The following R3HCC1L variants were observed in gnomAD, a reference collection of about 807,000 sequenced individuals.
R3HCC1L encodes coiled-coil domain-containing protein R3HCC1L.
In R3HCC1L, 51 loss-of-function variants were observed where a neutral mutation model predicts 59.9. The ratio of observed to expected loss-of-function variants is 0.85; its 90% CI spans 0.68 to 1.07. R3HCC1L has a LOEUF of 1.07. Among genes scored for constraint, R3HCC1L ranks in the 50% least tolerant of loss-of-function variants. The pLI is 0.00. For missense variants in R3HCC1L, 965 were observed against 933.0 expected, an observed-to-expected ratio of 1.03 and a Z score of -0.45; for synonymous variants, 322 against 315.2, an observed-to-expected ratio of 1.02 and a Z score of -0.23.
chr10:98,159,137 A>G (rs766476391), intron 2 of R3HCC1L, among the ~76,000 whole-genome samples: 4 of 152,200 alleles, frequency 2.6e-5, no homozygotes, highest in African/African-American at 4.8e-5. Flanking sequence ...ACTGCAAGAC[A>G]GTTATTTTGT....
At chr10:98,140,291 A>T (rs963374715) in intron 1 of R3HCC1L, among the ~76,000 whole-genome samples, 7 of 152,262 alleles carry the variant, frequency 4.6e-5, no homozygotes, top group African/African-American at 1.2e-4. Context: ...TAATAAAACC[A>T]ACTCTGCTTG....
chr10:98,236,064 A>G lies in R3HCC1L; in HGVS notation c.2169A>G (p.Ala723=), dbSNP rs776574616. The stretch of plus-strand genomic sequence containing the variant: ...CAAAGGAGCGTCCTGAGACTTCAGC[A>G]GCCCTAGCCAGAAGGTTAGTCATCA... The part of the protein sequence containing the change: ...QPAKERPETS[A]ALARRLVISA... The change falls in exon 9 of 10, where the codon GCA becomes GCG. Residue 723 remains alanine, a synonymous_variant. Coordinates refer to ENST00000298999, the MANE Select transcript of R3HCC1L (RefSeq NM_001351015.2). 3.1e-6 allele frequency: 5 copies of G among 1,613,934 alleles called. No individual in the cohort carries two copies. In the Admixed American group the frequency reaches 6.7e-5, roughly 22 times the overall value.
rs928126122 is a variant in R3HCC1L at position 98,150,724 on chromosome 10, G to T, written c.-267-5369G>T. On this transcript the variant is annotated intron_variant, in intron 1 of 9. Coordinates refer to ENST00000298999, the MANE Select transcript of R3HCC1L (RefSeq NM_001351015.2). The stretch of plus-strand genomic sequence containing the variant: ...TGTGGAATGAACCTCCTACAGCGTG[G>T]TGCTGCTGAACAGCTGTTTTGATTT... Among the ~76,000 whole-genome samples the T allele has an allele frequency of 2.0e-5, 3 of 152,260 alleles. No homozygotes were observed. The East Asian group carries it at 5.8e-4, about 29-fold the overall frequency.
At chr10:98,158,336 A>T (rs1304900473) in intron 2 of R3HCC1L, among the ~76,000 whole-genome samples, 1 of 152,202 alleles carries the variant, frequency 6.6e-6, no homozygotes, top group Admixed American at 6.5e-5. Flanking sequence ...CTCATTAATA[A>T]TATCTAACTC....
At chr10:98,170,882 A>T (rs1045722340) in intron 4 of R3HCC1L, among the ~76,000 whole-genome samples, 9 of 152,240 alleles carry the variant, frequency 5.9e-5, no homozygotes, top group African/African-American at 2.2e-4. Flanking sequence ...GCTGGGGCAG[A>T]TACTAAAGAA....
At position 98,208,612 on chromosome 10, in the gene R3HCC1L, C is replaced by T; in HGVS notation, c.498C>T (p.Ala166=). 6.2e-7 allele frequency: 1 copy of T among 1,614,092 alleles called. No individual in the cohort carries two copies. The highest frequency in any genetic ancestry group is 2.2e-5 in the East Asian group (1 of 44,868). ...ATGAGAGGATACTTCTTTCACAGGC[C>T]TGTTTAGAAATCAGCGAGGCTCAAG... The part of the protein sequence containing the change: ...TGHERILLSQ[A]CLEISEAQVP... The change falls in exon 5 of 10, where the codon GCC becomes GCT. Residue 166 remains alanine, a synonymous_variant. Coordinates refer to ENST00000298999, the MANE Select transcript of R3HCC1L (RefSeq NM_001351015.2).
chr10:98,209,813 A>G lies in R3HCC1L; in HGVS notation c.1699A>G (p.Thr567Ala), dbSNP rs754487235. ...ACCAAAAGCAACTGAAACTTCTCAC[A>G]CAGAGGGAATTACTGCCATTGAGGA... ...IEPKATETSH[T>A]EGITAIEESW... Residue 567 changes from threonine (T) to alanine (A), a missense_variant, in exon 5 of 10, where the codon ACA (threonine) becomes GCA (alanine). By Grantham distance (58) the Thr-to-Ala change is moderately conservative. Transcript: ENST00000298999. The G allele has an allele frequency of 6.2e-7, 1 of 1,613,920 alleles. No individual in the cohort carries two copies.
At chr10:98,189,309 G>T (rs1431660848) in intron 4 of R3HCC1L, among the ~76,000 whole-genome samples, 2 of 152,192 alleles carry the variant, frequency 1.3e-5, no homozygotes, top group African/African-American at 4.8e-5. Flanking sequence ...GGTGAGGACA[G>T]CATTTCACAA....
intron 2 of R3HCC1L, among the ~76,000 whole-genome samples, chr10:98,158,911 A>G (rs929850617): frequency 2.0e-5 from 3 of 151,830 alleles, no homozygotes; most frequent in African/African-American, 4.8e-5. Flanking sequence ...GGCTCAAGCA[A>G]TCCTCCTGCC....
chr10:98,170,514 CAG>C (rs1479384461), intron 4 of R3HCC1L, among the ~76,000 whole-genome samples: 1 of 152,166 alleles, frequency 6.6e-6, no homozygotes, highest in Non-Finnish European at 1.5e-5. Context: ...TTTTTAGAGA[CAG>C]AGTCTTGCTA....
intron 6 of R3HCC1L, among the ~76,000 whole-genome samples, chr10:98,231,965 T>C (rs566291819): frequency 1.3e-5 from 2 of 152,240 alleles, no homozygotes; most frequent in African/African-American, 2.4e-5. Context: ...TTAATACATA[T>C]TGTAATTGTT....
chr10:98,235,552 C>A, intron 8 of R3HCC1L, 32 bp downstream of exon 8: 1 of 1,519,510 alleles, frequency 6.6e-7, no homozygotes, highest in Non-Finnish European at 9.0e-7. Flanking sequence ...TTTTTTCTTG[C>A]TGATGGTGGT....
chr10:98,208,937 G>A lies in R3HCC1L; in HGVS notation c.823G>A (p.Gly275Ser), dbSNP rs1420557053. ...TACTTCTGTTCCTGGAAGTCCAGATGGTGTCTTTGATCAAACTTGCGTAGA... is the reference window on the plus strand; with the variant it reads ...TACTTCTGTTCCTGGAAGTCCAGATAGTGTCTTTGATCAAACTTGCGTAGA... ...TTTSVPGSPD[G>S]VFDQTCVDFE... is the part of the protein sequence containing the mutation. Residue 275 changes from glycine (G) to serine (S), a missense_variant, in exon 5 of 10, where the codon GGT becomes AGT. Transcript: ENST00000298999. 2 of 1,613,944 alleles carry A rather than the reference G, an allele frequency of 1.2e-6. No individual in the cohort carries two copies. Among genetic ancestry groups the A allele is most frequent in the African/African-American group, 2.7e-5 (2 of 74,912 alleles).
intron 5 of R3HCC1L, among the ~76,000 whole-genome samples, chr10:98,218,154 T>C (rs1854429963): frequency 1.3e-5 from 2 of 152,168 alleles, no homozygotes; most frequent in Admixed American, 1.3e-4. Context: ...TTGTCATATA[T>C]AGCCTTTATT....
Position 98,209,697 on chromosome 10 carries a change from TCAAAA to T in R3HCC1L, c.1586_1590del (p.Lys529ArgfsTer5). 6.2e-7 allele frequency: 1 copy of T among 1,613,898 alleles called. No individual in the cohort carries two copies. ...CACGAACTAAGAACTGCCGAAGAGT[TCAAAA>T]CAGAAGAGCAAGATGACTCAGGGAG... On this transcript the variant is annotated frameshift_variant, in exon 5 of 10. Coordinates refer to ENST00000298999, the MANE Select transcript of R3HCC1L (RefSeq NM_001351015.2). LOFTEE classifies it high-confidence loss of function.
At chr10:98,187,372 A>G (rs1196042325) in intron 4 of R3HCC1L, among the ~76,000 whole-genome samples, 4 of 152,086 alleles carry the variant, frequency 2.6e-5, no homozygotes, top group Admixed American at 1.3e-4. Context: ...ACATTAGGGC[A>G]TATCAGCCAT....
At chr10:98,242,180 A>G (rs1857596522) in intron 9 of R3HCC1L, among the ~76,000 whole-genome samples, 1 of 152,112 alleles carries the variant, frequency 6.6e-6, no homozygotes, top group Non-Finnish European at 1.5e-5. Flanking sequence ...CTCTGTCTCT[A>G]CTACATATAC....
At chr10:98,196,972 A>G (rs1361562140) in intron 4 of R3HCC1L, among the ~76,000 whole-genome samples, 1 of 151,964 alleles carries the variant, frequency 6.6e-6, no homozygotes, top group Non-Finnish European at 1.5e-5. Context: ...GCTGGAGTGC[A>G]GTGGCACAAT....
chr10:98,174,646 A>G (rs1245664929), intron 4 of R3HCC1L: 5 of 985,256 alleles, frequency 5.1e-6, no homozygotes, highest in African/African-American at 1.7e-5. Context: ...GCATTTCAGA[A>G]GTTGGAAGGA....
Sources: gnomAD v4.1 joint callset for allele counts (sites outside exome capture counted in the v4.1 genomes callset) on GRCh38, gnomAD v4.1.1 for gene constraint, MANE v1.5 for transcripts, NCBI Gene and HGNC (gene_info 2026-07-23, HGNC 2026-07-21) for gene names.